Variants in FGD5 observed in about 807,000 individuals in gnomAD.
FGD5 encodes FYVE, RhoGEF and PH domain-containing protein 5.
FGD5 carries 28 observed loss-of-function variants against 133.4 expected under a neutral mutation model. The ratio of observed to expected loss-of-function variants is 0.21; its 90% CI spans 0.16 to 0.29. The LOEUF is 0.29. FGD5 is among the 10% of genes least tolerant of loss of function. FGD5 has a pLI of 1.00. For synonymous variants in FGD5, 810 were observed against 776.5 expected (o/e 1.04, Z -0.72); for missense variants, 1,858 against 1,895.2 (o/e 0.98, Z 0.36).
At chr3:14,860,824 A>T (rs1254010227) in intron 1 of FGD5, among the ~76,000 whole-genome samples, 1 of 150,394 alleles carries the variant, frequency 6.6e-6, no homozygotes, top group African/African-American at 2.4e-5. Context: ...AAAAAAATTT[A>T]AAAATTAGCT....
chr3:14,831,602 C>G (rs2036708786), intron 1 of FGD5, among the ~76,000 whole-genome samples: 1 of 152,100 alleles, frequency 6.6e-6, no homozygotes, highest in Non-Finnish European at 1.5e-5. Flanking sequence ...GGAGACTGGC[C>G]CAGCCACACC....
chr3:14,839,826 A>G (rs1174059052), intron 1 of FGD5, among the ~76,000 whole-genome samples: 2 of 152,050 alleles, frequency 1.3e-5, no homozygotes, highest in South Asian at 2.1e-4. Flanking sequence ...CCAGCTACTC[A>G]GGAGGCTGAG....
chr3:14,878,749 G>A lies in FGD5; in HGVS notation c.2659-1823G>A, dbSNP rs552646439. ...GCTTTTTTTTTTTTTTTTTTGAGAC[G>A]GAGTCTCACACTGTCGCCCAGGCTG... On this transcript the variant is annotated intron_variant, in intron 2 of 19. Coordinates refer to ENST00000285046, the MANE Select transcript of FGD5 (RefSeq NM_152536.4). 1.5e-3 allele frequency among the ~76,000 whole-genome samples: 212 copies of A among 142,384 alleles called. No individual in the cohort carries two copies. The Middle Eastern group carries it at 0.05, about 33-fold the overall frequency. 93.4% of individuals were successfully genotyped at this position (142,384 alleles called of 152,430 possible).
At chr3:14,851,010 G>A (rs1357599330) in intron 1 of FGD5, among the ~76,000 whole-genome samples, 5 of 152,314 alleles carry the variant, frequency 3.3e-5, no homozygotes, top group South Asian at 2.1e-4. Context: ...GCCACAGCGC[G>A]TCGTGGTGAG....
At chr3:14,897,888 G>C (rs1278334735) in intron 5 of FGD5, 51 bp from the exon 6 acceptor site, 2 of 1,608,794 alleles carry the variant, frequency 1.2e-6, no homozygotes, top group Admixed American at 3.3e-5. Flanking sequence ...CTAACCCTGC[G>C]TTGGTTACAA....
chr3:14,892,392 G>A (rs111739015), intron 4 of FGD5, among the ~76,000 whole-genome samples: 1 of 151,886 alleles, frequency 6.6e-6, no homozygotes, highest in Non-Finnish European at 1.5e-5. Flanking sequence ...TGGCAGTCTC[G>A]CCATGTTGCC....
At position 14,900,176 on chromosome 3, in the gene FGD5, A is replaced by G. The variant is rs550275957; in HGVS notation, c.3155-227A>G. ...TGGCCCAGTGCCAGGCAGGTGCTCA[A>G]TGGGTATCTGTTGGATAAGTGAGGG... On this transcript the variant is annotated intron_variant, in intron 7 of 19. Coordinates refer to ENST00000285046, the MANE Select transcript of FGD5 (RefSeq NM_152536.4). 4.7e-4 allele frequency among the ~76,000 whole-genome samples: 72 copies of G among 152,336 alleles called. 1 individual carries two copies. The highest frequency in any genetic ancestry group is 1.6e-3 in the African/African-American group (67 of 41,580).
At chr3:14,850,784 T>G (rs2037146669) in intron 1 of FGD5, among the ~76,000 whole-genome samples, 2 of 128,710 alleles carry the variant, frequency 1.6e-5, no homozygotes, top group South Asian at 2.8e-4. Flanking sequence ...TGGACCTTGG[T>G]TGGGGGGGCA....
intron 8 of FGD5, 81 bp downstream of exon 8, chr3:14,900,534 C>G: frequency 6.6e-7 from 1 of 1,516,604 alleles, no homozygotes; most frequent in South Asian, 1.2e-5. Flanking sequence ...TGCCCCAATT[C>G]CAAGGCCCAG....
intron 11 of FGD5, among the ~76,000 whole-genome samples, chr3:14,911,458 C>G (rs1468934079): frequency 6.6e-6 from 1 of 152,106 alleles, no homozygotes; most frequent in Admixed American, 6.5e-5. Flanking sequence ...CTCCAAGTGG[C>G]CATGCCTTTT....
chr3:14,826,645 T>C (rs2036604856), intron 1 of FGD5, among the ~76,000 whole-genome samples: 2 of 152,236 alleles, frequency 1.3e-5, no homozygotes, highest in South Asian at 2.1e-4. Context: ...TTAGCTGTTA[T>C]TAAGTGACAT....
At chr3:14,854,427 T>TGA (rs200618199) in intron 1 of FGD5, among the ~76,000 whole-genome samples, 7,778 of 146,402 alleles carry the variant, frequency 0.053, 276 homozygotes, top group South Asian at 0.12. Flanking sequence ...ATTTATTTAT[T>TGA]TATTTATTGA....
intron 17 of FGD5, 22 bp downstream of exon 17, chr3:14,924,160 A>C (rs1270215655): frequency 6.2e-7 from 1 of 1,613,736 alleles, no homozygotes; most frequent in East Asian, 2.2e-5. Flanking sequence ...AGGGCTACCC[A>C]AGTGGGAAGT....
At chr3:14,924,974 G>C (rs2013488) in intron 17 of FGD5, among the ~76,000 whole-genome samples, 142,704 of 151,776 alleles carry the variant, frequency 0.94, 67,159 homozygotes, top group East Asian at 1. Context: ...GTGTCATGCA[G>C]CTGTAGTCCC....
intron 1 of FGD5, among the ~76,000 whole-genome samples, chr3:14,833,946 T>C: frequency 6.6e-6 from 1 of 152,020 alleles, no homozygotes. Context: ...GAAGGGTGGT[T>C]ATGGGGTCCT....
intron 1 of FGD5, among the ~76,000 whole-genome samples, chr3:14,844,881 T>C (rs1042249027): frequency 2.6e-5 from 4 of 152,136 alleles, no homozygotes; most frequent in African/African-American, 9.7e-5. Context: ...CTTGCCCTCA[T>C]CTCTCCTCTT....
At chr3:14,867,603 G>C (rs995400421) in intron 2 of FGD5, among the ~76,000 whole-genome samples, 6 of 151,968 alleles carry the variant, frequency 3.9e-5, no homozygotes, top group African/African-American at 1.5e-4. Context: ...GGCCACCCTT[G>C]GTGCCCAGAG....
chr3:14,813,146 C>G (rs2036318080), intron 1 of FGD5, among the ~76,000 whole-genome samples: 1 of 152,100 alleles, frequency 6.6e-6, no homozygotes, highest in Admixed American at 6.5e-5. Flanking sequence ...TATTAGGCAT[C>G]ATGTCTGTTA....
rs545919582 is a variant in FGD5 at position 14,826,738 on chromosome 3, T to G, written c.2525+5142T>G. Among the ~76,000 whole-genome samples the G allele has an allele frequency of 3.9e-5, 6 of 152,338 alleles. No homozygotes were observed. The East Asian group carries it at 7.7e-4, about 20-fold the overall frequency. On this transcript the variant is annotated intron_variant, in intron 1 of 19. Transcript: ENST00000285046. ...CCTGGGAGGGAGAATCTCGTTCCTC[T>G]TGCTGTGTATTTCTGTCTGTCTGTC...
Sources: gnomAD v4.1 joint callset for allele counts (sites outside exome capture counted in the v4.1 genomes callset) on GRCh38, gnomAD v4.1.1 for gene constraint, MANE v1.5 for transcripts, NCBI Gene and HGNC (gene_info 2026-07-23, HGNC 2026-07-21) for gene names.